The following WDR88 variants were observed in gnomAD, a reference collection of about 807,000 sequenced individuals.
WDR88 encodes WD repeat-containing protein 88.
In WDR88, 40 loss-of-function variants were observed where a neutral mutation model predicts 46.8. The ratio of observed to expected loss-of-function variants is 0.86; its 90% CI spans 0.66 to 1.11. The LOEUF is 1.11. WDR88 is among the 50% of genes most tolerant of loss of function. The pLI is 0.00. For missense variants in WDR88, 562 were observed against 602.4 expected (o/e 0.93, Z 0.70); for synonymous variants, 235 against 240.7 (o/e 0.98, Z 0.22).
chr19:33,154,504 T>C (rs1973697662), intron 6 of WDR88, among the ~76,000 whole-genome samples: 1 of 152,184 alleles, frequency 6.6e-6, no homozygotes, highest in South Asian at 2.1e-4. Context: ...GTTAGTTTGC[T>C]GAGGATGATG....
Position 33,175,512 on chromosome 19 carries a change from G to A in WDR88, c.1359G>A (p.Ser453=), listed in dbSNP as rs150484610. 22 of 1,614,014 alleles carry A rather than the reference G, an allele frequency of 1.4e-5. No homozygotes were observed. The highest frequency in any genetic ancestry group is 4.0e-5 in the African/African-American group (3 of 74,906). ...DTRGLPADTS[S]SSSSSERENS... ...GGGGCTTGCCAGCAGATACTTCATC[G>A]TCATCATCATCATCGGAAAGGGAGA... The change falls in exon 11 of 11, where the codon TCG becomes TCA. Residue 453 remains serine, a synonymous_variant. Transcript: ENST00000355868.
chr19:33,135,788 T>C (rs1292206463), intron 1 of WDR88, among the ~76,000 whole-genome samples: 5 of 152,256 alleles, frequency 3.3e-5, no homozygotes, highest in African/African-American at 9.6e-5. Context: ...TTTCCAACTA[T>C]TGGCATCCTT....
chr19:33,132,603 C>T (rs1973152031), intron 1 of WDR88, among the ~76,000 whole-genome samples, 158 bp downstream of exon 1: 1 of 152,176 alleles, frequency 6.6e-6, no homozygotes, highest in Admixed American at 6.5e-5. Context: ...CATCTGTGGG[C>T]AAAGGTCAGA....
chr19:33,156,424 G>A lies in WDR88; in HGVS notation c.879G>A (p.Trp293Ter), dbSNP rs1454699628. ...GCCATTTCCTGTGTACAAGCTCCTG[G>A]GATAAAAACTTAAAAATATGGAACG... ...FSGHFLCTSS[W>*]DKNLKIWNVH... The change falls in exon 7 of 11, where the codon TGG (tryptophan) becomes TGA (stop). Residue 293 changes from tryptophan (W) to a stop codon, truncating the protein, a stop_gained. Coordinates refer to ENST00000355868, the MANE Select transcript of WDR88 (RefSeq NM_173479.4). LOFTEE classifies it high-confidence loss of function. The A allele has an allele frequency of 1.9e-6, 3 of 1,614,024 alleles. No individual in the cohort carries two copies. Among genetic ancestry groups the A allele is most frequent in the Admixed American group, 1.7e-5 (1 of 59,988 alleles).
intron 8 of WDR88, among the ~76,000 whole-genome samples, chr19:33,162,033 C>T (rs1452265255): frequency 2.6e-5 from 4 of 152,178 alleles, no homozygotes; most frequent in Admixed American, 2.0e-4. Context: ...TTACACTAAG[C>T]GGTTTAACCT....
intron 3 of WDR88, 39 bp downstream of exon 3, chr19:33,144,971 T>C (rs3848598): frequency 0.37 from 580,637 of 1,578,476 alleles, 114,701 homozygotes; most frequent in South Asian, 0.61. Flanking sequence ...AGAGGGAGGG[T>C]GAGCAGGCAT....
chr19:33,165,185 C>T (rs192981602), intron 9 of WDR88, among the ~76,000 whole-genome samples: 146 of 152,250 alleles, frequency 9.6e-4, no homozygotes, highest in Admixed American at 3.1e-3. Flanking sequence ...CCCTGCTCAC[C>T]TCCTGCTGTG....
chr19:33,159,642 C>T (rs544651870), intron 7 of WDR88, among the ~76,000 whole-genome samples: 33 of 152,180 alleles, frequency 2.2e-4, no homozygotes, highest in African/African-American at 7.7e-4. Flanking sequence ...TGTATTTCCC[C>T]TAGGAGCGAT....
At chr19:33,167,601 C>A (rs1224748185) in intron 9 of WDR88, among the ~76,000 whole-genome samples, 1 of 151,986 alleles carries the variant, frequency 6.6e-6, no homozygotes, top group African/African-American at 2.4e-5. Flanking sequence ...TAAAAGGCAT[C>A]CAAATTGAAA....
chr19:33,137,847 C>T (rs201087096), intron 2 of WDR88, 60 bp downstream of exon 2: 1 of 1,450,378 alleles, frequency 6.9e-7, no homozygotes, highest in Admixed American at 1.9e-5. Flanking sequence ...TTAGGCACCT[C>T]CTGTGTCGAG....
chr19:33,159,697 C>T (rs530657589), intron 7 of WDR88, among the ~76,000 whole-genome samples: 2 of 152,180 alleles, frequency 1.3e-5, no homozygotes, highest in East Asian at 3.9e-4. Context: ...CTGCAGAGGC[C>T]CCCAACCTTT....
chr19:33,171,142 G>C (rs1014455796), intron 9 of WDR88, among the ~76,000 whole-genome samples: 16 of 151,990 alleles, frequency 1.1e-4, no homozygotes, highest in Admixed American at 9.2e-4. Flanking sequence ...TGCAGCACCA[G>C]GCCTGGCTAA....
At chr19:33,170,159 G>A (rs1261933507) in intron 9 of WDR88, among the ~76,000 whole-genome samples, 2 of 152,008 alleles carry the variant, frequency 1.3e-5, no homozygotes, top group South Asian at 4.2e-4. Flanking sequence ...TTACAGGCGT[G>A]AGCCACTGCG....
At chr19:33,160,020 A>G (rs887946214) in intron 7 of WDR88, among the ~76,000 whole-genome samples, 1 of 152,034 alleles carries the variant, frequency 6.6e-6, no homozygotes, top group Admixed American at 6.6e-5. Context: ...AATAGGGTTC[A>G]TGCTCCCGTG....
At chr19:33,171,560 A>G (rs570033420) in intron 9 of WDR88, among the ~76,000 whole-genome samples, 26 of 152,250 alleles carry the variant, frequency 1.7e-4, no homozygotes, top group Non-Finnish European at 2.9e-4. Context: ...TACTGTTTAA[A>G]CATTAAACAA....
chr19:33,137,358 A>G (rs1372075974), intron 1 of WDR88, among the ~76,000 whole-genome samples: 1 of 150,156 alleles, frequency 6.7e-6, no homozygotes, highest in Non-Finnish European at 1.5e-5. Context: ...TATTCAAGTG[A>G]TTCTCCTGCC....
rs1029041196 is a variant in WDR88, at chr19:33,156,340, C to A, written c.810-15C>A. On this transcript the variant is annotated splice_polypyrimidine_tract_variant and intron_variant, in intron 6 of 10. Coordinates refer to ENST00000355868, the MANE Select transcript of WDR88 (RefSeq NM_173479.4). The stretch of plus-strand genomic sequence containing the variant: ...GCAAAGCGCTAATGTGTGCACCCCA[C>A]CATCTGTGTTTCAGGGCACATTCCA... 3.1e-6 allele frequency: 5 copies of A among 1,612,668 alleles called. No homozygotes were observed. The African/African-American group carries it at 5.3e-5, about 17-fold the overall frequency.
intron 7 of WDR88, among the ~76,000 whole-genome samples, chr19:33,159,175 A>G (rs1269951685): frequency 6.8e-6 from 1 of 148,110 alleles, no homozygotes; most frequent in Non-Finnish European, 1.5e-5. Context: ...TACCAAAACA[A>G]AAAAAAAAAA....
At chr19:33,169,525 C>T (rs1974002678) in intron 9 of WDR88, among the ~76,000 whole-genome samples, 1 of 152,090 alleles carries the variant, frequency 6.6e-6, no homozygotes, top group Non-Finnish European at 1.5e-5. Flanking sequence ...AAATGCAAAT[C>T]AAAAGCACAG....
Sources: allele counts gnomAD v4.1 joint callset (sites outside exome capture counted in the v4.1 genomes callset), GRCh38; gene constraint gnomAD v4.1.1; transcripts MANE v1.5; gene names NCBI Gene and HGNC (gene_info 2026-07-23, HGNC 2026-07-21).